The following FTO variants were observed in gnomAD, a reference collection of about 807,000 sequenced individuals.
The protein encoded by FTO is FTO alpha-ketoglutarate dependent dioxygenase, also known as alpha-ketoglutarate-dependent dioxygenase FTO.
A neutral mutation model predicts 63.9 loss-of-function variants in FTO; 47 were observed. The observed-to-expected ratio is 0.74, with a 90% CI of 0.58 to 0.94. FTO has a LOEUF of 0.94. Among genes scored for constraint, FTO ranks in the 40% least tolerant of loss-of-function variants. FTO has a pLI of 0.00. For missense variants in FTO, 562 were observed against 618.1 expected, an observed-to-expected ratio of 0.91 and a Z score of 0.96; for synonymous variants, 207 against 224.4, an observed-to-expected ratio of 0.92 and a Z score of 0.69.
intron 2 of FTO, chr16:53,814,700 C>T (rs1011857103): frequency 2.8e-4 from 43 of 152,546 alleles, no homozygotes; most frequent in Admixed American, 8.5e-4. Flanking sequence ...TCCCAGCTCT[C>T]CCTGTGACCT....
chr16:54,074,786 C>T (rs2665274), intron 8 of FTO, among the ~76,000 whole-genome samples: 1 of 151,900 alleles, frequency 6.6e-6, no homozygotes. Context: ...TAAGGCTCTA[C>T]CACATACTGC....
intron 4 of FTO, among the ~76,000 whole-genome samples, chr16:53,872,563 G>T (rs1343307051): frequency 1.3e-5 from 2 of 152,150 alleles, no homozygotes; most frequent in Non-Finnish European, 2.9e-5. Flanking sequence ...TTCTCCATGG[G>T]ATTATATCTT....
chr16:54,001,530 T>C (rs1277551199), intron 8 of FTO, among the ~76,000 whole-genome samples: 1 of 152,212 alleles, frequency 6.6e-6, no homozygotes, highest in African/African-American at 2.4e-5. Context: ...GTATTACACA[T>C]ACTGAAAGTG....
chr16:54,074,798 A>C (rs796244585), intron 8 of FTO, among the ~76,000 whole-genome samples: 63 of 152,284 alleles, frequency 4.1e-4, no homozygotes, highest in African/African-American at 1.5e-3. Context: ...ACATACTGCA[A>C]AATGTTCTTC....
intron 5 of FTO, among the ~76,000 whole-genome samples, chr16:53,875,637 AAG>A (rs2080627281): frequency 6.6e-6 from 1 of 152,250 alleles, no homozygotes; most frequent in Non-Finnish European, 1.5e-5. Context: ...ATAATAAAGC[AAG>A]AGAGATTAAA....
At chr16:53,843,210 C>T (rs2079524245) in intron 3 of FTO, among the ~76,000 whole-genome samples, 1 of 152,192 alleles carries the variant, frequency 6.6e-6, no homozygotes, top group Non-Finnish European at 1.5e-5. Context: ...AGTCATTTTA[C>T]AACCCCTGAA....
At chr16:53,841,885 G>A (rs931483972) in intron 3 of FTO, among the ~76,000 whole-genome samples, 7 of 152,060 alleles carry the variant, frequency 4.6e-5, no homozygotes, top group Admixed American at 1.3e-4. Context: ...TGTCTTTCAC[G>A]TTTGACCTTC....
At chr16:53,942,153 G>A (rs981705498) in intron 8 of FTO, among the ~76,000 whole-genome samples, 1 of 152,168 alleles carries the variant, frequency 6.6e-6, no homozygotes, top group South Asian at 2.1e-4. Context: ...AGTCAGGATG[G>A]ATCTCTGATA....
intron 1 of FTO, among the ~76,000 whole-genome samples, chr16:53,758,378 A>G (rs935300767): frequency 1.3e-5 from 2 of 152,234 alleles, no homozygotes; most frequent in Non-Finnish European, 2.9e-5. Flanking sequence ...GCTGGAAGGA[A>G]TAGAGGGCCT....
intron 7 of FTO, among the ~76,000 whole-genome samples, chr16:53,902,488 G>A (rs1312676697): frequency 2.6e-5 from 4 of 152,144 alleles, no homozygotes; most frequent in East Asian, 1.9e-4. Flanking sequence ...AACTTTCAAC[G>A]GTGTGCCAAT....
chr16:54,111,862 C>T lies in FTO; in HGVS notation c.1465C>T (p.Leu489Phe), dbSNP rs370137051. 27 of 1,614,064 alleles carry T rather than the reference C, an allele frequency of 1.7e-5. No homozygotes were observed. In the African/African-American group the frequency reaches 3.6e-4, roughly 22 times the overall value. The change falls in exon 9 of 9, where the codon CTC becomes TTC. Residue 489 changes from leucine to phenylalanine, a missense_variant. Coordinates refer to ENST00000471389, the MANE Select transcript of FTO (RefSeq NM_001080432.3). ...TGCTTCGATGCCTCTGCCGTTTGACCTCACAGACATCGTTTCAGAACTCAG... is the reference window on the plus strand; with the variant it reads ...TGCTTCGATGCCTCTGCCGTTTGACTTCACAGACATCGTTTCAGAACTCAG... The part of the protein sequence containing the change: ...DDASMPLPFD[L>F]TDIVSELRGQ...
chr16:53,941,717 G>A (rs1020157360), intron 8 of FTO, among the ~76,000 whole-genome samples: 14 of 152,156 alleles, frequency 9.2e-5, no homozygotes, highest in African/African-American at 2.4e-4. Context: ...GCACGGTGGC[G>A]CACACCTGTA....
At chr16:54,076,512 C>T (rs914983674) in intron 8 of FTO, among the ~76,000 whole-genome samples, 5 of 152,086 alleles carry the variant, frequency 3.3e-5, no homozygotes, top group Non-Finnish European at 5.9e-5. Context: ...TCTATACCCC[C>T]GTTGAAACTG....
At chr16:54,086,847 G>T (rs1359918489) in intron 8 of FTO, among the ~76,000 whole-genome samples, 1 of 152,212 alleles carries the variant, frequency 6.6e-6, no homozygotes, top group African/African-American at 2.4e-5. Flanking sequence ...AACACTTAGG[G>T]GAGGGGTCGT....
intron 1 of FTO, among the ~76,000 whole-genome samples, chr16:53,801,848 C>T (rs1013245851): frequency 6.6e-6 from 1 of 152,082 alleles, no homozygotes; most frequent in Non-Finnish European, 1.5e-5. Context: ...CAACCTCCAC[C>T]TCCCAGGTTC....
chr16:53,858,793 T>TG (rs2080084920), intron 4 of FTO, among the ~76,000 whole-genome samples: 1 of 152,060 alleles, frequency 6.6e-6, no homozygotes, highest in Non-Finnish European at 1.5e-5. Flanking sequence ...CCTGAGCGGC[T>TG]GGGACTATAG....
intron 8 of FTO, among the ~76,000 whole-genome samples, chr16:54,024,410 A>T (rs2084668761): frequency 6.6e-6 from 1 of 151,552 alleles, no homozygotes; most frequent in Admixed American, 6.6e-5. Context: ...TTGTATTTTT[A>T]GTAGAGACGG....
In FTO at chr16:53,825,942, G is replaced by T; in HGVS notation, c.202G>T (p.Ala68Ser). Residue 68 changes from alanine (A) to serine (S), a missense_variant, in exon 3 of 9, where the codon GCC becomes TCC. Ala to Ser is a moderately conservative substitution (Grantham distance 99, BLOSUM62 1). Coordinates refer to ENST00000471389, the MANE Select transcript of FTO (RefSeq NM_001080432.3). ...GGAGCTCCATAAAGAGGTTCAAGAA[G>T]CCTTTCTCACACTGCACAAGCATGG... ...SEELHKEVQE[A>S]FLTLHKHGCL... is the part of the protein sequence containing the mutation. 1 of 1,614,162 alleles carries T rather than the reference G, an allele frequency of 6.2e-7. No individual in the cohort carries two copies. The highest frequency in any genetic ancestry group is 2.2e-5 in the East Asian group (1 of 44,886).
intron 7 of FTO, among the ~76,000 whole-genome samples, chr16:53,904,836 A>G (rs1301395910): frequency 6.6e-6 from 1 of 151,974 alleles, no homozygotes; most frequent in Non-Finnish European, 1.5e-5. Flanking sequence ...GTCAGTCTTC[A>G]TTAGGATCAT....
Sources: allele counts gnomAD v4.1 joint callset (sites outside exome capture counted in the v4.1 genomes callset), GRCh38; gene constraint gnomAD v4.1.1; transcripts MANE v1.5; gene names NCBI Gene and HGNC (gene_info 2026-07-23, HGNC 2026-07-21).